The following TMEM50B variants were observed in gnomAD, a reference collection of about 807,000 sequenced individuals.
TMEM50B encodes the protein transmembrane protein 50B.
A neutral mutation model predicts 23.4 loss-of-function variants in TMEM50B; 14 were observed. The ratio of observed to expected loss-of-function variants is 0.60; its 90% CI spans 0.39 to 0.93. The LOEUF (loss-of-function observed/expected upper bound fraction) is 0.93. Ranked by LOEUF, TMEM50B falls within the 40% of genes least tolerant of loss-of-function variation. TMEM50B has a pLI of 0.00. For synonymous variants in TMEM50B, 64 were observed against 62.3 expected, an observed-to-expected ratio of 1.03 and a Z score of -0.13; for missense variants, 159 against 193.0, an observed-to-expected ratio of 0.82 and a Z score of 1.04.
intron 5 of TMEM50B, chr21:33,456,146 AAC>A (rs2084166577): frequency 4.1e-6 from 2 of 490,938 alleles, no homozygotes; most frequent in South Asian, 1.6e-5. Flanking sequence ...TTGACTTTTA[AAC>A]AGTCTGTTAA....
chr21:33,467,045 G>A lies in TMEM50B; in HGVS notation c.177C>T (p.His59=), dbSNP rs762009276. 1 of 1,614,014 alleles carries A rather than the reference G, an allele frequency of 6.2e-7. No homozygotes were observed. The highest frequency in any genetic ancestry group is 1.3e-5 in the African/African-American group (1 of 74,950). The change falls in exon 3 of 7, where the codon CAC becomes CAT. Residue 59 remains histidine, a synonymous_variant. Transcript: ENST00000542230. ...CCAATGTGGAAAATACACCACATGT[G>A]TGAAAGGCATGGTTCAACTGTTCTG... ...PKPEQLNHAF[H]TCGVFSTLAF...
At chr21:33,436,199 T>C in intron 8 of TMEM50B, among the ~76,000 whole-genome samples, 1 of 146,178 alleles carries the variant, frequency 6.8e-6, no homozygotes, top group East Asian at 2.1e-4. Flanking sequence ...CTACTTAAAA[T>C]ACAAAATTAG....
chr21:33,464,904 A>C (rs980553977), intron 4 of TMEM50B: 1 of 154,706 alleles, frequency 6.5e-6, no homozygotes, highest in Middle Eastern at 3.3e-3. Context: ...TTTCTACTGA[A>C]CAATTTTGTT....
At chr21:33,438,731 CTTT>C (rs200509447) in intron 8 of TMEM50B, among the ~76,000 whole-genome samples, 1 of 147,796 alleles carries the variant, frequency 6.8e-6, no homozygotes, top group East Asian at 2.0e-4. Flanking sequence ...AAGAAAGTGG[CTTT>C]TTTTTTTTCT....
chr21:33,466,983 T>G, intron 3 of TMEM50B, 27 bp downstream of exon 3: 1 of 1,585,238 alleles, frequency 6.3e-7, no homozygotes, highest in Non-Finnish European at 8.6e-7. Context: ...AAAATCACCT[T>G]GAATAGAGAA....
At chr21:33,470,669 G>T (rs935613174) in intron 1 of TMEM50B, among the ~76,000 whole-genome samples, 1 of 151,980 alleles carries the variant, frequency 6.6e-6, no homozygotes, top group Non-Finnish European at 1.5e-5. Flanking sequence ...CCCGGGAGGC[G>T]GGGCTTGCAG....
At chr21:33,437,464 A>G (rs1050682443) in intron 8 of TMEM50B, 1 of 154,940 alleles carries the variant, frequency 6.5e-6, no homozygotes, top group Non-Finnish European at 1.4e-5. Flanking sequence ...TAGTAATTTA[A>G]GATTTTGTTT....
At chr21:33,460,328 T>C (rs2084205922) in intron 5 of TMEM50B, 85 bp downstream of exon 5, 1 of 813,982 alleles carries the variant, frequency 1.2e-6, no homozygotes, top group Non-Finnish European at 2.1e-6. Context: ...ACAATTATAC[T>C]AAGTTGTACT....
At chr21:33,436,250 G>T (rs1016055580) in intron 8 of TMEM50B, among the ~76,000 whole-genome samples, 1 of 151,520 alleles carries the variant, frequency 6.6e-6, no homozygotes, top group Admixed American at 6.6e-5. Context: ...AGCTACTTGG[G>T]AGGCTGAGGC....
At chr21:33,475,083 C>G (rs1236034980) in intron 1 of TMEM50B, among the ~76,000 whole-genome samples, 1 of 151,220 alleles carries the variant, frequency 6.6e-6, no homozygotes, top group Admixed American at 6.6e-5. Context: ...CCCACCACCA[C>G]GACCGGCTAA....
chr21:33,477,676 G>A (rs1033478220), intron 1 of TMEM50B, among the ~76,000 whole-genome samples: 2 of 150,904 alleles, frequency 1.3e-5, no homozygotes, highest in African/African-American at 2.4e-5. Context: ...TGGGCGTGGC[G>A]GCGGGCGCCT....
chr21:33,445,095 A>C (rs1234297390), downstream of TMEM50B, among the ~76,000 whole-genome samples: 11 of 151,642 alleles, frequency 7.3e-5, no homozygotes, highest in Non-Finnish European at 7.4e-5. Flanking sequence ...AAAAAAAAAA[A>C]AAAAAACCAG....
intron 1 of TMEM50B, 116 bp from the exon 2 acceptor site, chr21:33,469,042 T>C: frequency 3.2e-6 from 2 of 622,796 alleles, no homozygotes; most frequent in South Asian, 2.0e-5. Context: ...TATTCTACTA[T>C]AGTTAAGAAA....
intron 1 of TMEM50B, among the ~76,000 whole-genome samples, chr21:33,474,940 C>A (rs190336941): frequency 1.3e-4 from 19 of 150,776 alleles, no homozygotes; most frequent in African/African-American, 3.7e-4. Context: ...ACCGCCACCA[C>A]CCCCAAGACA....
At position 33,460,519 on chromosome 21, in the gene TMEM50B, A is replaced by T. The variant is rs778210570; in HGVS notation, c.281-14T>A. 6.4e-7 allele frequency: 1 copy of T among 1,556,958 alleles called. No individual in the cohort carries two copies. Among genetic ancestry groups the T allele is most frequent in the East Asian group, 2.2e-5 (1 of 44,504 alleles). On this transcript the variant is annotated splice_polypyrimidine_tract_variant and intron_variant, in intron 4 of 6. Transcript: ENST00000542230. The stretch of plus-strand genomic sequence containing the variant: ...AAACTCGAGCACCTGTGTAGAGAAG[A>T]GGCTTTATGATTTTGTTCATTTTTG...
Position 33,436,341 on chromosome 21 carries a change from T to C in TMEM50B, c.*2120+2873A>G, listed in dbSNP as rs114462887. Among the ~76,000 whole-genome samples, 513 of 151,396 alleles carry C rather than the reference T, an allele frequency of 3.4e-3. 4 individuals are homozygous for C. The highest frequency in any genetic ancestry group is 0.012 in the African/African-American group (480 of 41,348). ...GAAACTCCGTCTCAAAAAAAAAAAA[T>C]TGTTTCATTGTTGAATAAAAAGAAA... On this transcript the variant is annotated intron_variant and NMD_transcript_variant, in intron 8 of 8. Coordinates refer to the TMEM50B transcript ENST00000420455.
intron 1 of TMEM50B, among the ~76,000 whole-genome samples, chr21:33,478,454 G>A (rs560810058): frequency 3.3e-5 from 5 of 152,140 alleles, no homozygotes; most frequent in African/African-American, 1.2e-4. Context: ...GTCAACGAGG[G>A]AGACTCTGTC....
intron 6 of TMEM50B, among the ~76,000 whole-genome samples, chr21:33,453,758 C>G (rs2084143784): frequency 6.6e-6 from 1 of 152,010 alleles, no homozygotes; most frequent in African/African-American, 2.4e-5. Context: ...GGGACAGAGG[C>G]AGATAAAATT....
intron 1 of TMEM50B, among the ~76,000 whole-genome samples, chr21:33,474,895 T>C (rs781601628): frequency 1.9e-4 from 25 of 130,874 alleles, no homozygotes; most frequent in Non-Finnish European, 3.6e-4. Context: ...AGAGGCTACC[T>C]CTGGAAGAAA....
Sources: gnomAD v4.1 joint callset for allele counts (sites outside exome capture counted in the v4.1 genomes callset) on GRCh38, gnomAD v4.1.1 for gene constraint, MANE v1.5 for transcripts, NCBI Gene and HGNC (gene_info 2026-07-23, HGNC 2026-07-21) for gene names.